STK35: variants seen among roughly 807,000 people sequenced by gnomAD.
STK35 encodes serine/threonine kinase 35, also known as serine/threonine-protein kinase 35.
Under a neutral mutation model 37.3 loss-of-function variants are expected in STK35, and 17 were observed. The observed-to-expected ratio is 0.46, with a 90% CI of 0.31 to 0.68. The LOEUF is 0.68. Ranked by LOEUF, STK35 falls within the 30% of genes least tolerant of loss-of-function variation. The pLI is 0.05. For synonymous variants in STK35, 385 were observed against 319.1 expected (o/e 1.21, Z -2.20); for missense variants, 595 against 746.7 (o/e 0.80, Z 2.37).
intron 1 of STK35, among the ~76,000 whole-genome samples, chr20:2,102,405 G>A (rs1171120902): frequency 1.3e-5 from 2 of 152,234 alleles, no homozygotes; most frequent in African/African-American, 4.8e-5. Flanking sequence ...AAGGCGGGGC[G>A]CGGGGAGGAG....
At chr20:2,105,015 G>C (rs758811907) in intron 2 of STK35, among the ~76,000 whole-genome samples, 4 of 152,010 alleles carry the variant, frequency 2.6e-5, no homozygotes, top group Non-Finnish European at 5.9e-5. Flanking sequence ...AAAATAGCCG[G>C]ACCTGATGGC....
chr20:2,116,639 A>C, intron 2 of STK35, 27 bp from the exon 3 acceptor site: 1 of 1,596,810 alleles, frequency 6.3e-7, no homozygotes, highest in Non-Finnish European at 8.6e-7. Flanking sequence ...ATCTCACTCA[A>C]GCTCCTTCCT....
chr20:2,104,284 T>C (rs2122537065), intron 2 of STK35, among the ~76,000 whole-genome samples: 1 of 152,274 alleles, frequency 6.6e-6, no homozygotes, highest in African/African-American at 2.4e-5. Flanking sequence ...GAGGAGACTT[T>C]CCGAGGCAGG....
In STK35 at chr20:2,103,439, G is replaced by A. The variant is rs1316463146; in HGVS notation, c.892+74G>A. 1.4e-5 allele frequency: 20 copies of A among 1,431,696 alleles called. No homozygotes were observed. The South Asian group carries it at 1.7e-4, about 12-fold the overall frequency. 88.7% of individuals were successfully genotyped at this position (1,431,696 alleles called of 1,614,324 possible). On this transcript the variant is annotated intron_variant, in intron 2 of 3. Transcript: ENST00000381482. ...CTCTCCGGACGGCTTGGCCCACACTGTTCCTGGCCTTCCTAGGCCTCAGAC... is the reference window on the plus strand; with the variant it reads ...CTCTCCGGACGGCTTGGCCCACACTATTCCTGGCCTTCCTAGGCCTCAGAC...
At chr20:2,133,936 T>TC (rs1291372653) in intron 3 of STK35, among the ~76,000 whole-genome samples, 1 of 152,156 alleles carries the variant, frequency 6.6e-6, no homozygotes, top group East Asian at 1.9e-4. Context: ...TCAGACCCTT[T>TC]CCCTCAGTAA....
chr20:2,131,998 A>G (rs189089090), intron 3 of STK35, among the ~76,000 whole-genome samples: 64 of 152,320 alleles, frequency 4.2e-4, no homozygotes, highest in African/African-American at 1.3e-3. Flanking sequence ...GCCTAGGCCT[A>G]TGCAGGCTCA....
chr20:2,137,649 C>T (rs924407559), intron 3 of STK35, among the ~76,000 whole-genome samples: 18 of 152,214 alleles, frequency 1.2e-4, no homozygotes, highest in African/African-American at 3.6e-4. Context: ...ACAACAGGCA[C>T]GTTCACAGCA....
rs752829027 is a variant in STK35, at chr20:2,103,367, T to TAGG, written c.892+5_892+7dup. The TAGG allele has an allele frequency of 3.7e-6, 6 of 1,608,110 alleles. No homozygotes were observed. The highest frequency in any genetic ancestry group is 5.1e-6 in the Non-Finnish European group (6 of 1,176,532). On this transcript the variant is annotated splice_region_variant and intron_variant, in intron 2 of 3. Coordinates refer to ENST00000381482, the MANE Select transcript of STK35 (RefSeq NM_080836.4). ...GCCTGGTGGAGACCTCGCTGAAAGG[T>TAGG]AGGAGCACCGCGGGCCTTTCCACCC...
In STK35 at chr20:2,116,831, A is replaced by G. The variant is rs757199435; in HGVS notation, c.1058A>G (p.Lys353Arg). ...QLTSAIAFLH[K>R]NHIVHRDLKP... ...ACGAGCGCCATTGCCTTCCTGCACA[A>G]AAACCATATTGTGCACAGGGACCTG... The change falls in exon 3 of 4, where the codon AAA becomes AGA. Residue 353 changes from lysine (K) to arginine (R), a missense_variant. Physicochemically the swap from Lys to Arg is conservative, Grantham distance 26. Coordinates refer to ENST00000381482, the MANE Select transcript of STK35 (RefSeq NM_080836.4). 2 of 1,614,172 alleles carry G rather than the reference A, an allele frequency of 1.2e-6. No individual in the cohort carries two copies. Among genetic ancestry groups the G allele is most frequent in the Non-Finnish European group, 1.7e-6 (2 of 1,180,042 alleles).
At chr20:2,114,071 A>G (rs117158419) in intron 2 of STK35, among the ~76,000 whole-genome samples, 1,904 of 152,192 alleles carry the variant, frequency 0.013, 20 homozygotes, top group Admixed American at 0.018. Flanking sequence ...AGTGCCTGGC[A>G]TCATCCACGT....
At chr20:2,134,087 T>A (rs1322816828) in intron 3 of STK35, among the ~76,000 whole-genome samples, 1 of 151,970 alleles carries the variant, frequency 6.6e-6, no homozygotes, top group Non-Finnish European at 1.5e-5. Context: ...CCTGATAACA[T>A]TCGTCCACTT....
At chr20:2,126,552 AC>A (rs1985910092) in intron 3 of STK35, among the ~76,000 whole-genome samples, 1 of 152,212 alleles carries the variant, frequency 6.6e-6, no homozygotes, top group African/African-American at 2.4e-5. Context: ...AACTGGAGAT[AC>A]ACTGTGGACC....
At position 2,144,408 on chromosome 20, in the gene STK35, G is replaced by A. The variant is rs187144655; in HGVS notation, c.*662G>A. ...GAAGAGGAAGGCCAGGGTTTGGCCA[G>A]GAGAACTAAGAAGGTCTCAACTCCA... is the stretch of plus-strand genomic sequence containing the variant. On this transcript the variant is annotated 3_prime_UTR_variant, in exon 4 of 4. Coordinates refer to ENST00000381482, the MANE Select transcript of STK35 (RefSeq NM_080836.4). The A allele has an allele frequency of 1.4e-3, 232 of 160,930 alleles. 4 individuals are homozygous for A. The highest frequency in any genetic ancestry group is 0.013 in the Admixed American group (216 of 16,760). 10.0% of individuals were successfully genotyped at this position (160,930 alleles called of 1,614,324 possible). A position where few individuals can be genotyped will look rare whatever the true frequency, so the allele number is the denominator to read the frequency against.
intron 3 of STK35, among the ~76,000 whole-genome samples, chr20:2,123,194 G>A (rs913577924): frequency 6.6e-6 from 1 of 152,202 alleles, no homozygotes; most frequent in Admixed American, 6.5e-5. Flanking sequence ...TCTTTTTGGA[G>A]TGGGCAGCTA....
intron 2 of STK35, among the ~76,000 whole-genome samples, chr20:2,104,008 C>G (rs940365128): frequency 6.6e-6 from 1 of 152,186 alleles, no homozygotes; most frequent in Non-Finnish European, 1.5e-5. Flanking sequence ...CATAACAAAG[C>G]ATCCGGCATC....
chr20:2,123,496 C>T (rs1394615387), intron 3 of STK35, among the ~76,000 whole-genome samples: 3 of 152,110 alleles, frequency 2.0e-5, no homozygotes, highest in Non-Finnish European at 4.4e-5. Flanking sequence ...ATTCACAAGC[C>T]CTTTCAGCTT....
Position 2,143,285 on chromosome 20 carries a change from A to G in STK35, c.*38-499A>G, listed in dbSNP as rs535019284. ...CAGGTAGCCTGGTTCGGATTCTCAG[A>G]GGCCTGAGCTTCACTCTTCTCTTCT... On this transcript the variant is annotated intron_variant, in intron 3 of 3. Transcript: ENST00000381482. 7.5e-4 allele frequency among the ~76,000 whole-genome samples: 114 copies of G among 152,312 alleles called. 1 individual carries two copies. Among genetic ancestry groups the G allele is most frequent in the South Asian group, 1.9e-3 (9 of 4,816 alleles).
In STK35 at chr20:2,102,090, G is replaced by A. The variant is rs1262911780; in HGVS notation, c.209G>A (p.Arg70Lys). The change falls in exon 1 of 4, where the codon AGG (arginine) becomes AAG (lysine). Residue 70 changes from arginine (R) to lysine (K), a missense_variant. Coordinates refer to ENST00000381482, the MANE Select transcript of STK35 (RefSeq NM_080836.4). The part of the protein sequence containing the change: ...AATSRAARSR[R>K]QPGPGADHPQ... ...ACCTCCCGCGCTGCTCGGTCCCGGA[G>A]GCAGCCCGGGCCCGGAGCGGACCAT... 3 of 1,490,848 alleles carry A rather than the reference G, an allele frequency of 2.0e-6. No individual in the cohort carries two copies. Among genetic ancestry groups the A allele is most frequent in the African/African-American group, 2.9e-5 (2 of 69,502 alleles). The allele number at this position is 1,490,848 out of a possible 1,614,324, so 92.4% of individuals were successfully genotyped here.
At chr20:2,123,474 T>C (rs771972350) in intron 3 of STK35, among the ~76,000 whole-genome samples, 4 of 152,038 alleles carry the variant, frequency 2.6e-5, no homozygotes, top group Admixed American at 6.5e-5. Flanking sequence ...ACAACCCTAA[T>C]CAAAGACAGG....
Sources: allele counts gnomAD v4.1 joint callset (sites outside exome capture counted in the v4.1 genomes callset), GRCh38; gene constraint gnomAD v4.1.1; transcripts MANE v1.5; gene names NCBI Gene and HGNC (gene_info 2026-07-23, HGNC 2026-07-21).